The following CTNNA2 variants were observed in gnomAD, a reference collection of about 807,000 sequenced individuals.
CTNNA2 encodes catenin alpha 2, also known as catenin alpha-2.
A neutral mutation model predicts 101.0 loss-of-function variants in CTNNA2; 42 were observed. The observed-to-expected ratio is 0.42, with a 90% CI of 0.32 to 0.54. The LOEUF is 0.54. Ranked by LOEUF, CTNNA2 falls within the 20% of genes least tolerant of loss-of-function variation. The pLI is 0.14. For missense variants in CTNNA2, 871 were observed against 1,223.1 expected (o/e 0.71, Z 4.29); for synonymous variants, 450 against 456.4 (o/e 0.99, Z 0.18).
chr2:80,369,689 G>C (rs572095942), intron 7 of CTNNA2, among the ~76,000 whole-genome samples: 121 of 152,296 alleles, frequency 7.9e-4, no homozygotes, highest in African/African-American at 2.8e-3. Flanking sequence ...TGGATTATCA[G>C]GTGGATCCAG....
At chr2:79,190,106 A>G (rs760032992) in intron 1 of CTNNA2, among the ~76,000 whole-genome samples, 1 of 152,142 alleles carries the variant, frequency 6.6e-6, no homozygotes, top group Non-Finnish European at 1.5e-5. Context: ...CCTAATTTCC[A>G]TTGTGATTCC....
intron 1 of CTNNA2, among the ~76,000 whole-genome samples, chr2:79,532,731 G>T (rs1672820518): frequency 6.6e-6 from 1 of 151,998 alleles, no homozygotes; most frequent in African/African-American, 2.4e-5. Flanking sequence ...CTGTCTTTCT[G>T]TCTGTGTTCC....
At chr2:80,412,747 G>A (rs1679697799) in intron 8 of CTNNA2, among the ~76,000 whole-genome samples, 1 of 151,970 alleles carries the variant, frequency 6.6e-6, no homozygotes, top group African/African-American at 2.4e-5. Context: ...TGCTCTTAAT[G>A]GATCTAGGAT....
At position 80,286,690 on chromosome 2, in the gene CTNNA2, C is replaced by A. The variant is rs550826807; in HGVS notation, c.1057-106521C>A. Reference sequence around the variant, plus strand: ...CACCTAACTAGACACAGTGTATAGTCCACCTTCTTCATCAAGCCCTACGAA... The same window carrying A: ...CACCTAACTAGACACAGTGTATAGTACACCTTCTTCATCAAGCCCTACGAA... On this transcript the variant is annotated intron_variant, in intron 7 of 18. Coordinates refer to ENST00000402739, the MANE Select transcript of CTNNA2 (RefSeq NM_001282597.3). 3.3e-5 allele frequency among the ~76,000 whole-genome samples: 5 copies of A among 152,286 alleles called. No homozygotes were observed. The South Asian group carries it at 1.0e-3, about 32-fold the overall frequency.
intron 11 of CTNNA2, among the ~76,000 whole-genome samples, chr2:80,547,478 G>C (rs539703500): frequency 6.6e-6 from 1 of 152,082 alleles, no homozygotes; most frequent in African/African-American, 2.4e-5. Flanking sequence ...AAGATAGAAA[G>C]GAAATTTCCT....
At chr2:79,566,549 T>C (rs893172462) in intron 1 of CTNNA2, among the ~76,000 whole-genome samples, 1 of 152,080 alleles carries the variant, frequency 6.6e-6, no homozygotes, top group Non-Finnish European at 1.5e-5. Flanking sequence ...ACCCAAAAGA[T>C]GAAATGCTGA....
chr2:80,504,272 C>T (rs1036416801), intron 9 of CTNNA2, among the ~76,000 whole-genome samples: 1 of 152,140 alleles, frequency 6.6e-6, no homozygotes, highest in Admixed American at 6.5e-5. Flanking sequence ...TCTTTGTTCC[C>T]ACCCGATGTT....
chr2:79,538,753 G>C (rs1558710740), intron 1 of CTNNA2, among the ~76,000 whole-genome samples: 1 of 152,164 alleles, frequency 6.6e-6, no homozygotes, highest in Non-Finnish European at 1.5e-5. Context: ...GATTTTATAT[G>C]GTCTTAAATG....
chr2:79,762,899 A>G (rs182886616), intron 3 of CTNNA2, among the ~76,000 whole-genome samples: 70 of 152,294 alleles, frequency 4.6e-4, no homozygotes, highest in African/African-American at 1.6e-3. Flanking sequence ...TTGATTTCGA[A>G]TGAGTATCTC....
At position 80,546,004 on chromosome 2, in the gene CTNNA2, G is replaced by A. The variant is rs1161335086; in HGVS notation, c.1481G>A (p.Arg494Gln). The A allele has an allele frequency of 2.0e-5, 32 of 1,613,974 alleles. No individual in the cohort carries two copies. The Admixed American group carries it at 3.7e-4, about 18-fold the overall frequency. Residue 494 changes from arginine (R) to glutamine (Q), a missense_variant, in exon 11 of 19, where the codon CGA becomes CAA. Around this residue, in one of 5 missense-constraint regions of CTNNA2, gnomAD observed 647 missense variants for 831.5 expected, o/e 0.78. Coordinates refer to ENST00000402739, the MANE Select transcript of CTNNA2 (RefSeq NM_001282597.3). ...AAAGACCAGTGGGAGAAGCAGGTCC[G>A]AGTGTTGACAGAGGCCGTGGATGAC... Reference protein sequence around the residue: ...VFKDQWEKQVRVLTEAVDDIT... With the variant: ...VFKDQWEKQVQVLTEAVDDIT...
At chr2:80,112,482 C>G (rs1701279651) in intron 7 of CTNNA2, among the ~76,000 whole-genome samples, 1 of 152,136 alleles carries the variant, frequency 6.6e-6, no homozygotes, top group Non-Finnish European at 1.5e-5. Context: ...AAAGGCTTTA[C>G]AGGTTTCCAT....
intron 1 of CTNNA2, among the ~76,000 whole-genome samples, chr2:79,617,684 T>C (rs1678714721): frequency 6.6e-6 from 1 of 152,188 alleles, no homozygotes; most frequent in Non-Finnish European, 1.5e-5. Context: ...AAGCTCAGTT[T>C]TGTTTACAAA....
chr2:79,632,529 C>A (rs946855927), intron 1 of CTNNA2, among the ~76,000 whole-genome samples: 2 of 152,170 alleles, frequency 1.3e-5, no homozygotes, highest in Non-Finnish European at 2.9e-5. Flanking sequence ...TCTACCAGAC[C>A]TACAGTTTCC....
intron 4 of CTNNA2, among the ~76,000 whole-genome samples, chr2:79,416,701 T>G (rs980934190): frequency 1.3e-5 from 2 of 152,094 alleles, no homozygotes; most frequent in Non-Finnish European, 1.5e-5. Context: ...GGGACATATT[T>G]AACAGTTCCC....
chr2:80,262,092 T>A (rs2149124591), intron 7 of CTNNA2, among the ~76,000 whole-genome samples: 1 of 152,198 alleles, frequency 6.6e-6, no homozygotes, highest in East Asian at 1.9e-4. Flanking sequence ...CTAGAATAAA[T>A]ATATAAAGGA....
chr2:79,712,469 T>C (rs1228607882), intron 2 of CTNNA2, among the ~76,000 whole-genome samples: 3 of 152,208 alleles, frequency 2.0e-5, no homozygotes, highest in African/African-American at 7.2e-5. Context: ...TAAGTTGTTT[T>C]TTCCTCTAGC....
intron 6 of CTNNA2, 42 bp downstream of exon 6, chr2:79,874,384 GTTGA>G: frequency 6.4e-7 from 1 of 1,562,106 alleles, no homozygotes. Context: ...GGGCACTGGT[GTTGA>G]CAAAAAAAAA....
intron 3 of CTNNA2, among the ~76,000 whole-genome samples, chr2:79,831,173 A>T (rs1310596747): frequency 6.6e-6 from 1 of 152,132 alleles, no homozygotes; most frequent in Non-Finnish European, 1.5e-5. Flanking sequence ...CTCATTATAA[A>T]TTTACAAGTT....
At chr2:80,581,861 G>A (rs376889556) in intron 14 of CTNNA2, 42 bp downstream of exon 14, 50 of 1,155,720 alleles carry the variant, frequency 4.3e-5, no homozygotes, top group South Asian at 1.6e-4. Context: ...CACAGGGACC[G>A]TGTTTACTAA....
Sources: gnomAD v4.1 joint callset for allele counts (sites outside exome capture counted in the v4.1 genomes callset) on GRCh38, gnomAD v4.1.1 for gene constraint, gnomAD v4.1.1 regional missense constraint, MANE v1.5 for transcripts, NCBI Gene and HGNC (gene_info 2026-07-23, HGNC 2026-07-21) for gene names.